IMMP2L: variants seen among roughly 807,000 people sequenced by gnomAD.
IMMP2L encodes the protein mitochondrial inner membrane protease subunit 2.
A neutral mutation model predicts 19.3 loss-of-function variants in IMMP2L; 18 were observed. That is an observed-to-expected ratio of 0.93 (90% confidence interval 0.64 to 1.38). IMMP2L has a LOEUF of 1.38. IMMP2L is among the 40% of genes most tolerant of loss of function. The pLI is 0.00. For missense variants in IMMP2L, 233 were observed against 218.2 expected (o/e 1.07, Z -0.43); for synonymous variants, 76 against 73.0 (o/e 1.04, Z -0.21).
At chr7:111,090,442 T>C (rs887045113) in intron 3 of IMMP2L, among the ~76,000 whole-genome samples, 11 of 152,152 alleles carry the variant, frequency 7.2e-5, no homozygotes, top group African/African-American at 2.4e-4. Flanking sequence ...CCCATTCATA[T>C]GTAGCTCCTA....
At chr7:111,279,979 T>C (rs1350416495) in intron 3 of IMMP2L, among the ~76,000 whole-genome samples, 1 of 152,138 alleles carries the variant, frequency 6.6e-6, no homozygotes, top group Admixed American at 6.5e-5. Context: ...AGTCTCCTAC[T>C]TCTACTCTTG....
chr7:111,398,729 A>G (rs1333893825), intron 3 of IMMP2L, among the ~76,000 whole-genome samples: 1 of 151,958 alleles, frequency 6.6e-6, no homozygotes, highest in Non-Finnish European at 1.5e-5. Flanking sequence ...GAAAACCCTA[A>G]AGACTCCTAC....
At chr7:111,460,705 C>A (rs1840062019) in intron 3 of IMMP2L, among the ~76,000 whole-genome samples, 1 of 151,880 alleles carries the variant, frequency 6.6e-6, no homozygotes. Flanking sequence ...AGATTACAGT[C>A]AGGTTGCATG....
At chr7:111,175,584 A>G (rs1007508198) in intron 3 of IMMP2L, among the ~76,000 whole-genome samples, 1 of 151,894 alleles carries the variant, frequency 6.6e-6, no homozygotes, top group African/African-American at 2.4e-5. Flanking sequence ...TAGTAGAAGA[A>G]GGAAACCAGG....
At chr7:111,071,952 G>A (rs2129575446) in intron 3 of IMMP2L, among the ~76,000 whole-genome samples, 1 of 152,184 alleles carries the variant, frequency 6.6e-6, no homozygotes, top group African/African-American at 2.4e-5. Flanking sequence ...CAAGACTGCT[G>A]ATGATACCAT....
At chr7:111,396,208 C>T (rs140630330) in intron 3 of IMMP2L, among the ~76,000 whole-genome samples, 9 of 152,190 alleles carry the variant, frequency 5.9e-5, no homozygotes, top group East Asian at 1.9e-4. Context: ...CACATGGACA[C>T]GTATGTTTAC....
intron 3 of IMMP2L, among the ~76,000 whole-genome samples, chr7:111,410,806 T>C (rs759012738): frequency 1.3e-5 from 2 of 151,444 alleles, no homozygotes; most frequent in East Asian, 1.9e-4. Context: ...ACAGAAAATA[T>C]CAGTGAAGCT....
chr7:110,698,970 T>A (rs1475293440), intron 5 of IMMP2L, among the ~76,000 whole-genome samples: 1 of 152,200 alleles, frequency 6.6e-6, no homozygotes, highest in African/African-American at 2.4e-5. Context: ...AGATTTCCAA[T>A]GAAGGGTGAG....
At chr7:110,751,201 A>G (rs1425042247) in intron 5 of IMMP2L, among the ~76,000 whole-genome samples, 1 of 151,954 alleles carries the variant, frequency 6.6e-6, no homozygotes, top group African/African-American at 2.4e-5. Flanking sequence ...AGACACAGGG[A>G]TCTTTAGGAG....
chr7:111,473,028 G>A (rs187697655), intron 3 of IMMP2L, among the ~76,000 whole-genome samples: 4 of 152,084 alleles, frequency 2.6e-5, no homozygotes, highest in African/African-American at 9.7e-5. Flanking sequence ...GCTTAATTTT[G>A]TACGTATACC....
At chr7:111,082,855 CAAAAAAA>C (rs59384730) in intron 3 of IMMP2L, among the ~76,000 whole-genome samples, 1 of 71,178 alleles carries the variant, frequency 1.4e-5, no homozygotes, top group Admixed American at 1.6e-4. Flanking sequence ...GCGATTTTGC[CAAAAAAA>C]AAAAAAAAAA....
chr7:111,545,011 C>T (rs533792815), intron 1 of IMMP2L, among the ~76,000 whole-genome samples: 1 of 152,200 alleles, frequency 6.6e-6, no homozygotes, highest in Non-Finnish European at 1.5e-5. Flanking sequence ...AATAAGACAA[C>T]ATCAAGAACA....
chr7:110,802,307 C>T (rs1053091737), intron 5 of IMMP2L, among the ~76,000 whole-genome samples: 4 of 141,274 alleles, frequency 2.8e-5, no homozygotes, highest in Non-Finnish European at 4.6e-5. Context: ...CTTTTAAAGA[C>T]AGTGTGTATG....
At chr7:111,301,556 C>T (rs1223457849) in intron 3 of IMMP2L, among the ~76,000 whole-genome samples, 1 of 151,954 alleles carries the variant, frequency 6.6e-6, no homozygotes, top group Non-Finnish European at 1.5e-5. Context: ...AAGATTTTAA[C>T]CTATTTTTTT....
intron 5 of IMMP2L, among the ~76,000 whole-genome samples, chr7:110,825,111 T>A (rs1410871550): frequency 6.6e-6 from 1 of 152,046 alleles, no homozygotes; most frequent in Non-Finnish European, 1.5e-5. Flanking sequence ...ATAAAATACC[T>A]AGGAATCCAA....
intron 5 of IMMP2L, among the ~76,000 whole-genome samples, chr7:110,722,160 G>A (rs1795614867): frequency 6.6e-6 from 1 of 152,012 alleles, no homozygotes; most frequent in South Asian, 2.1e-4. Flanking sequence ...AAGGACAACA[G>A]TCAAAAAAGC....
At position 111,143,288 on chromosome 7, in the gene IMMP2L, A is replaced by G. The variant is rs147334213; in HGVS notation, c.240-179723T>C. On this transcript the variant is annotated intron_variant, in intron 3 of 5. Transcript: ENST00000405709. ...TACTAAGAAGTAATTTAATTTTCTG[A>G]ATACATATCTGAGGAATCCTACCCC... is the stretch of plus-strand genomic sequence containing the variant. 6.6e-4 allele frequency among the ~76,000 whole-genome samples: 100 copies of G among 152,280 alleles called. 3 individuals carry two copies. In the East Asian group the frequency reaches 0.018, roughly 28 times the overall value.
intron 5 of IMMP2L, among the ~76,000 whole-genome samples, chr7:110,735,681 T>TACACACACACACACAC (rs3051068): frequency 1.7e-5 from 2 of 114,814 alleles, no homozygotes; most frequent in Non-Finnish European, 3.4e-5. Context: ...AGTAGACAAA[T>TACACACACACACACAC]ACACACACAC....
At chr7:111,132,730 C>G (rs937649682) in intron 3 of IMMP2L, among the ~76,000 whole-genome samples, 3 of 151,838 alleles carry the variant, frequency 2.0e-5, no homozygotes, top group Admixed American at 1.3e-4. Flanking sequence ...AAAGAGGTAG[C>G]AAAAAGTTTA....
Sources: gnomAD v4.1 joint callset for allele counts (sites outside exome capture counted in the v4.1 genomes callset) on GRCh38, gnomAD v4.1.1 for gene constraint, MANE v1.5 for transcripts, NCBI Gene and HGNC (gene_info 2026-07-23, HGNC 2026-07-21) for gene names.